The following LRP2 variants were observed in gnomAD, a reference collection of about 807,000 sequenced individuals.
LRP2 encodes the protein LDL receptor related protein 2.
In LRP2, 172 loss-of-function variants were observed where a neutral mutation model predicts 531.0. The observed-to-expected ratio is 0.32, with a 90% CI of 0.29 to 0.37. The LOEUF is 0.37. LRP2 is among the 10% of genes least tolerant of loss of function. The pLI, the probability that LRP2 is intolerant of heterozygous loss-of-function variation, is 1.00. For missense variants in LRP2, 5,167 were observed against 5,868.3 expected (o/e 0.88, Z 3.90); for synonymous variants, 1,992 against 2,027.6 (o/e 0.98, Z 0.47).
chr2:169,140,660 TC>T (rs760223087), intron 71 of LRP2, 115 bp from the exon 72 acceptor site: 17 of 717,530 alleles, frequency 2.4e-5, no homozygotes, highest in Non-Finnish European at 3.5e-5. Context: ...CCAATTAGTC[TC>T]CCTGTCAAAG....
chr2:169,161,081 T>C (rs1322329990), intron 63 of LRP2, among the ~76,000 whole-genome samples: 1 of 152,198 alleles, frequency 6.6e-6, no homozygotes, highest in Non-Finnish European at 1.5e-5. Flanking sequence ...GCCTCCTTTT[T>C]CCTGTGAGGA....
chr2:169,182,484 T>C, intron 50 of LRP2, 165 bp from the exon 51 acceptor site: 2 of 1,517,804 alleles, frequency 1.3e-6, no homozygotes, highest in African/African-American at 1.4e-5. Flanking sequence ...TTTGTCTTCC[T>C]GCAGTGAGGC....
At chr2:169,221,104 T>C (rs1042871388) in intron 33 of LRP2, among the ~76,000 whole-genome samples, 2 of 152,150 alleles carry the variant, frequency 1.3e-5, no homozygotes, top group Non-Finnish European at 2.9e-5. Context: ...GTCCTGACTG[T>C]ACAATCTGAG....
At chr2:169,352,735 G>A (rs1341845153) in intron 1 of LRP2, among the ~76,000 whole-genome samples, 4 of 151,992 alleles carry the variant, frequency 2.6e-5, no homozygotes, top group African/African-American at 9.7e-5. Flanking sequence ...ATCATTCTCA[G>A]CAAACTAACA....
chr2:169,148,589 C>T (rs1469564799), intron 68 of LRP2, among the ~76,000 whole-genome samples: 1 of 152,050 alleles, frequency 6.6e-6, no homozygotes, highest in African/African-American at 2.4e-5. Context: ...GATCATGCCA[C>T]TGCACTCCAG....
At chr2:169,290,770 C>A in intron 8 of LRP2, 75 bp downstream of exon 8, 1 of 1,477,068 alleles carries the variant, frequency 6.8e-7, no homozygotes, top group Non-Finnish European at 9.4e-7. Context: ...AACAGATACA[C>A]TGTATTTGAA....
At chr2:169,279,644 G>T (rs367577974) in intron 11 of LRP2, 49 bp from the exon 12 acceptor site, 9 of 1,192,428 alleles carry the variant, frequency 7.5e-6, no homozygotes, top group Non-Finnish European at 1.1e-5. Flanking sequence ...CACTAACTAC[G>T]TGGTTTGTTT....
intron 78 of LRP2, 43 bp from the exon 79 acceptor site, chr2:169,128,873 A>G: frequency 6.2e-7 from 1 of 1,608,542 alleles, no homozygotes; most frequent in Non-Finnish European, 8.5e-7. Context: ...TATTCCCCCA[A>G]GGTCACCATA....
At chr2:169,215,656 A>T (rs1688756624) in intron 35 of LRP2, among the ~76,000 whole-genome samples, 1 of 149,446 alleles carries the variant, frequency 6.7e-6, no homozygotes, top group South Asian at 2.1e-4. Flanking sequence ...TCCTATACAG[A>T]TATATAAATT....
chr2:169,308,676 A>T (rs1396427985), intron 3 of LRP2, among the ~76,000 whole-genome samples: 2 of 152,254 alleles, frequency 1.3e-5, no homozygotes, highest in Middle Eastern at 3.4e-3. Flanking sequence ...AGTGCCACAA[A>T]AAACATATGT....
intron 4 of LRP2, among the ~76,000 whole-genome samples, chr2:169,302,151 G>A (rs1041017591): frequency 6.9e-6 from 1 of 144,980 alleles, no homozygotes; most frequent in African/African-American, 2.6e-5. Flanking sequence ...TCATGAAGAT[G>A]ATTTCTGGCT....
At chr2:169,171,879 CAGAA>C in intron 58 of LRP2, 132 bp downstream of exon 58, 1 of 1,050,540 alleles carries the variant, frequency 9.5e-7, no homozygotes, top group East Asian at 2.4e-5. Flanking sequence ...TACTGACCAG[CAGAA>C]AGAAAGAGAT....
intron 34 of LRP2, among the ~76,000 whole-genome samples, chr2:169,219,282 A>G (rs1417273465): frequency 6.6e-6 from 1 of 152,198 alleles, no homozygotes; most frequent in Non-Finnish European, 1.5e-5. Context: ...TTCTAGGCCT[A>G]AGAATCTGAT....
chr2:169,259,349 A>T (rs1690445361), intron 16 of LRP2, 132 bp from the exon 17 acceptor site: 2 of 195,130 alleles, frequency 1.0e-5, no homozygotes, highest in Non-Finnish European at 1.0e-5. Context: ...ATTCTTTAAA[A>T]AAAAAAAAAA....
At position 169,279,550 on chromosome 2, in the gene LRP2, T is replaced by G; in HGVS notation, c.1387A>C (p.Asn463His). Residue 463 changes from asparagine to histidine, a missense_variant, in exon 12 of 79, where the codon AAT (asparagine) becomes CAT (histidine). Physicochemically the swap from Asn to His is moderately conservative, Grantham distance 68. Coordinates refer to ENST00000649046, the MANE Select transcript of LRP2 (RefSeq NM_004525.3). The part of the protein sequence containing the change: ...INGLNIQEVL[N>H]VSVETPENLA... ...TTCTCTGGGGTTTCAACAGAAACAT[T>G]GAGAACCTCTTGGATATTTAAACCA... 1.2e-6 allele frequency: 2 copies of G among 1,613,980 alleles called. No individual in the cohort carries two copies. Among genetic ancestry groups the G allele is most frequent in the Non-Finnish European group, 1.7e-6 (2 of 1,179,884 alleles).
intron 62 of LRP2, among the ~76,000 whole-genome samples, chr2:169,162,933 G>A (rs779110198): frequency 5.9e-5 from 9 of 152,278 alleles, no homozygotes; most frequent in Non-Finnish European, 1.0e-4. Context: ...TGGCCTTTAT[G>A]AGTGCTCAAT....
intron 3 of LRP2, among the ~76,000 whole-genome samples, chr2:169,314,246 A>T (rs929157714): frequency 2.3e-4 from 33 of 140,470 alleles, no homozygotes; most frequent in African/African-American, 7.0e-4. Flanking sequence ...AAGAAAAAAA[A>T]AATAAATTTA....
At chr2:169,313,944 C>A (rs554125840) in intron 3 of LRP2, among the ~76,000 whole-genome samples, 74 of 152,294 alleles carry the variant, frequency 4.9e-4, no homozygotes, top group African/African-American at 1.7e-3. Context: ...CCATAGATAT[C>A]AGCGTTCTGC....
intron 1 of LRP2, among the ~76,000 whole-genome samples, chr2:169,325,809 T>C (rs1186692657): frequency 5.9e-5 from 9 of 152,130 alleles, no homozygotes; most frequent in Non-Finnish European, 1.2e-4. Flanking sequence ...GGGTTTTTTT[T>C]TTAATCCAGT....
Sources: gnomAD v4.1 joint callset for allele counts (sites outside exome capture counted in the v4.1 genomes callset) on GRCh38, gnomAD v4.1.1 for gene constraint, MANE v1.5 for transcripts, NCBI Gene and HGNC (gene_info 2026-07-23, HGNC 2026-07-21) for gene names.